The following ARSD variants were observed in gnomAD, a reference collection of about 807,000 sequenced individuals.
ARSD encodes arylsulfatase D, also known as testis tissue sperm-binding protein Li 39a.
In ARSD, 21 loss-of-function variants were observed where a neutral mutation model predicts 32.6. That is an observed-to-expected ratio of 0.64 (90% confidence interval 0.46 to 0.93). ARSD has a LOEUF of 0.93. ARSD is among the 40% of genes least tolerant of loss of function. ARSD has a pLI of 0.00. For missense variants in ARSD, 454 were observed against 520.9 expected (o/e 0.87, Z 1.25); for synonymous variants, 224 against 237.4 (o/e 0.94, Z 0.52).
chrX:2,908,837 A>G lies in ARSD; in HGVS notation c.1304T>C (p.Ile435Thr), dbSNP rs1213173853. The G allele has an allele frequency of 1.7e-6, 2 of 1,210,523 alleles. No individual in the cohort carries two copies. The highest frequency in any genetic ancestry group is 5.9e-5 in the East Asian group (2 of 33,745). ...VGGEVPQDRV[I>T]DGHSLVPLLQ... ...CAAGGGTACCAGGCTGTGGCCATCA[A>G]TCACCCTGATTTCATGAAGAGAACA... The change falls in exon 9 of 10, where the codon ATT becomes ACT. Residue 435 changes from isoleucine to threonine, a missense_variant. Ile to Thr is a moderately conservative substitution (Grantham distance 89). Around this residue, in one of 3 missense-constraint regions of ARSD, gnomAD observed 179 missense variants for 198.5 expected, o/e 0.90. Transcript: ENST00000381154.
chrX:2,915,033 C>T (rs374844563), intron 6 of ARSD, among the ~76,000 whole-genome samples: 1 of 111,857 alleles, frequency 8.9e-6, no homozygotes, highest in East Asian at 2.8e-4. Context: ...TACCATTATG[C>T]CTGGCTAAGC....
At chrX:2,919,513 G>T (rs1291650379) in intron 4 of ARSD, among the ~76,000 whole-genome samples, 61 of 110,895 alleles carry the variant, frequency 5.5e-4, no homozygotes, top group Non-Finnish European at 9.8e-4. Context: ...GTGCAGAAAG[G>T]AGTTTAAGGG....
chrX:2,913,718 G>A (rs913793896), intron 6 of ARSD: 1 of 964,984 alleles, frequency 1.0e-6, no homozygotes, highest in Non-Finnish European at 1.3e-6. Flanking sequence ...TAAGTCATTG[G>A]CTGTGTAGAA....
intron 9 of ARSD, chrX:2,907,843 T>A: frequency 1.0e-6 from 1 of 963,471 alleles, no homozygotes; most frequent in Non-Finnish European, 1.3e-6. Flanking sequence ...TCCGTTTGTG[T>A]CTCTGCATTG....
chrX:2,919,966 A>G (rs1009109106), intron 4 of ARSD, among the ~76,000 whole-genome samples: 3 of 111,085 alleles, frequency 2.7e-5, no homozygotes, highest in African/African-American at 9.8e-5. Flanking sequence ...GTCATAAATC[A>G]CCCATGAGCA....
rs373650325 is a variant in ARSD at position 2,909,798 on chromosome X, C to T, written c.1298+19G>A. ...CAATTAAAAAAAATCAGGGAACAGG[C>T]AGCCTTATCTCCACGTACCTGTCCT... On this transcript the variant is annotated intron_variant, in intron 8 of 9. Coordinates refer to ENST00000381154, the MANE Select transcript of ARSD (RefSeq NM_001669.4). 32 of 1,138,406 alleles carry T rather than the reference C, an allele frequency of 2.8e-5. No individual in the cohort carries two copies. In the African/African-American group the frequency reaches 4.5e-4, roughly 16 times the overall value. 93.8% of individuals were successfully genotyped at this position (1,138,406 alleles called of 1,213,427 possible). A position where few individuals can be genotyped will look rare whatever the true frequency, so the allele number is the denominator to read the frequency against.
Position 2,907,123 on chromosome X carries a change from G to A in ARSD, c.*148C>T, listed in dbSNP as rs7884079. The A allele has an allele frequency of 9.1e-3, 3,821 of 421,323 alleles. 122 individuals carry two copies. The African/African-American group carries it at 0.11, about 12-fold the overall frequency. The allele number at this position is 421,323 out of a possible 1,213,427, so 34.7% of individuals were successfully genotyped here. On this transcript the variant is annotated 3_prime_UTR_variant, in exon 10 of 10. Transcript: ENST00000381154. ...CAGAGCGACACTCTGTCTCAAAAAA[G>A]AAAGAAAGAAAGAAAGAAAGTGGGG...
chrX:2,915,149 C>G (rs2088943477), intron 6 of ARSD, among the ~76,000 whole-genome samples: 1 of 110,541 alleles, frequency 9.0e-6, no homozygotes, highest in South Asian at 3.8e-4. Context: ...CTAAGAGTAA[C>G]TCTTATTCTT....
At chrX:2,915,217 C>T (rs1271094219) in intron 6 of ARSD, among the ~76,000 whole-genome samples, 3 of 110,822 alleles carry the variant, frequency 2.7e-5, no homozygotes, top group East Asian at 2.8e-4. Flanking sequence ...CACAGTGGTG[C>T]GATCTCAACT....
chrX:2,913,898 A>T (rs111467743), intron 6 of ARSD: 1 of 318,627 alleles, frequency 3.1e-6, no homozygotes, highest in Non-Finnish European at 4.4e-6. Context: ...GTAGCTTCTC[A>T]CGAGATCTGG....
rs1314180428 is a variant in ARSD, at chrX:2,913,512, C to A, written c.1000+2044G>T. 6 of 960,399 alleles carry A rather than the reference C, an allele frequency of 6.2e-6. No homozygotes were observed. In the African/African-American group the frequency reaches 8.2e-5, roughly 13 times the overall value. 79.1% of individuals were successfully genotyped at this position (960,399 alleles called of 1,213,427 possible). A position where few individuals can be genotyped will look rare whatever the true frequency, so the allele number is the denominator to read the frequency against. ...TTTATTTTTGGTTTACACTGTGAAC[C>A]AATCCCGCCCTATCACTATGCTTGT... is the stretch of plus-strand genomic sequence containing the variant. On this transcript the variant is annotated intron_variant, in intron 6 of 9. Coordinates refer to ENST00000381154, the MANE Select transcript of ARSD (RefSeq NM_001669.4).
At chrX:2,925,906 C>T in intron 1 of ARSD, 141 bp from the exon 2 acceptor site, 1 of 606,284 alleles carries the variant, frequency 1.6e-6, no homozygotes. Context: ...TTGTCTTGGC[C>T]TGAATTCCTG....
At chrX:2,911,522 T>C (rs1360840640) in intron 6 of ARSD, among the ~76,000 whole-genome samples, 3 of 102,434 alleles carry the variant, frequency 2.9e-5, no homozygotes, top group African/African-American at 1.1e-4. Context: ...CACAAAAAAT[T>C]AGCCAGGCAT....
chrX:2,924,156 C>G (rs112781945), intron 2 of ARSD, among the ~76,000 whole-genome samples: 3,177 of 112,775 alleles, frequency 0.028, 102 homozygotes, highest in African/African-American at 0.095. Flanking sequence ...TCTCAGCTTC[C>G]TGAGTAGCTG....
intron 4 of ARSD, 107 bp downstream of exon 4, chrX:2,920,494 C>T: frequency 8.8e-7 from 1 of 1,137,663 alleles, no homozygotes; most frequent in Non-Finnish European, 1.2e-6. Flanking sequence ...CCTCAGCCTC[C>T]TAAGTAGCTG....
rs1429335028 is a variant in ARSD at position 2,912,288 on chromosome X, C to T, written c.1001-1495G>A. ...CCCCTTATCATAACCCAGACATTCCCTTCTATTGATTCTCAGATAATAACT... is the reference window on the plus strand; with the variant it reads ...CCCCTTATCATAACCCAGACATTCCTTTCTATTGATTCTCAGATAATAACT... On this transcript the variant is annotated intron_variant, in intron 6 of 9. Transcript: ENST00000381154. 1.3e-4 allele frequency among the ~76,000 whole-genome samples: 14 copies of T among 111,939 alleles called. No homozygotes were observed. The Admixed American group carries it at 1.3e-3, about 11-fold the overall frequency.
At chrX:2,923,161 T>C (rs889114480) in intron 2 of ARSD, 9 of 221,377 alleles carry the variant, frequency 4.1e-5, no homozygotes, top group Non-Finnish European at 6.9e-5. Flanking sequence ...AACAAAGTCC[T>C]ACACACCTGG....
At position 2,920,734 on chromosome X, in the gene ARSD, G is replaced by C. The variant is rs764478642; in HGVS notation, c.317-11C>G. On this transcript the variant is annotated splice_polypyrimidine_tract_variant and intron_variant, in intron 3 of 9. Transcript: ENST00000381154. ...TGCTGGCGTCCATGCCTGTGGGGCA[G>C]AGAAGACAGGAAGAATTTACTTTCC... The C allele has an allele frequency of 5.8e-6, 7 of 1,206,297 alleles. No homozygotes were observed. Among genetic ancestry groups the C allele is most frequent in the African/African-American group, 5.3e-5 (3 of 57,044 alleles).
At chrX:2,909,683 C>CAA (rs751282477) in intron 8 of ARSD, 134 bp downstream of exon 8, 753 of 287,696 alleles carry the variant, frequency 2.6e-3, no homozygotes, top group African/African-American at 7.1e-3. Flanking sequence ...GACTCTGTCT[C>CAA]AAAAAAAAAA....
Sources: allele counts gnomAD v4.1 joint callset (sites outside exome capture counted in the v4.1 genomes callset), GRCh38; gene constraint gnomAD v4.1.1; regional missense constraint gnomAD v4.1.1; transcripts MANE v1.5; gene names NCBI Gene and HGNC (gene_info 2026-07-23, HGNC 2026-07-21).